The following GAREM1 variants were observed in gnomAD, a reference collection of about 807,000 sequenced individuals.
The protein encoded by GAREM1 is GRB2-associated and regulator of MAPK protein 1.
In GAREM1, 26 loss-of-function variants were observed where a neutral mutation model predicts 71.3. The ratio of observed to expected loss-of-function variants is 0.36; its 90% CI spans 0.27 to 0.51. GAREM1 has a LOEUF of 0.51. Ranked by LOEUF, GAREM1 falls within the 20% of genes least tolerant of loss-of-function variation. The pLI, the probability that GAREM1 is intolerant of heterozygous loss-of-function variation, is 0.95. For synonymous variants in GAREM1, 440 were observed against 433.2 expected (o/e 1.02, Z -0.20); for missense variants, 1,026 against 1,103.1 (o/e 0.93, Z 0.99).
chr18:32,282,308 C>T lies in GAREM1; in HGVS notation c.1566+4723G>A, dbSNP rs963506988. ...AGGCGTGGTGGCGTGAGCCTGTAGT[C>T]CCAGCTCATTGGGAGGCTGAGGCAG... On this transcript the variant is annotated intron_variant, in intron 4 of 5. Transcript: ENST00000269209. Among the ~76,000 whole-genome samples the T allele has an allele frequency of 2.4e-4, 37 of 152,156 alleles. 1 individual carries two copies. Among genetic ancestry groups the T allele is most frequent in the African/African-American group, 8.7e-4 (36 of 41,446 alleles).
At chr18:32,464,645 C>A (rs1240273698) in intron 1 of GAREM1, among the ~76,000 whole-genome samples, 1 of 152,170 alleles carries the variant, frequency 6.6e-6, no homozygotes. Context: ...CTGGAATACT[C>A]AAAACGAAAC....
intron 1 of GAREM1, among the ~76,000 whole-genome samples, chr18:32,438,135 CA>C (rs1041314492): frequency 8.5e-4 from 129 of 152,312 alleles, no homozygotes; most frequent in African/African-American, 3.0e-3. Flanking sequence ...TGGAAAGGAA[CA>C]AACTTCAGCT....
At chr18:32,347,231 C>T (rs750021180) in intron 2 of GAREM1, among the ~76,000 whole-genome samples, 3 of 152,046 alleles carry the variant, frequency 2.0e-5, no homozygotes, top group East Asian at 1.9e-4. Flanking sequence ...CCTGGCATGG[C>T]GCTCATGTCT....
chr18:32,339,263 C>T (rs557360132), intron 2 of GAREM1, among the ~76,000 whole-genome samples: 1 of 152,284 alleles, frequency 6.6e-6, no homozygotes, highest in East Asian at 1.9e-4. Flanking sequence ...TTTGCTTCCA[C>T]TTCCCTTGCT....
At chr18:32,270,789 AG>A (rs1029072906) in intron 4 of GAREM1, among the ~76,000 whole-genome samples, 98 of 151,210 alleles carry the variant, frequency 6.5e-4, no homozygotes, top group African/African-American at 2.3e-3. Context: ...CTCTTCTATT[AG>A]GTTGTGTTTT....
In GAREM1 at chr18:32,268,618, G is replaced by C; in HGVS notation, c.1884C>G (p.Asn628Lys). 6.2e-7 allele frequency: 1 copy of C among 1,614,148 alleles called. No homozygotes were observed. Among genetic ancestry groups the C allele is most frequent in the Non-Finnish European group, 8.5e-7 (1 of 1,180,012 alleles). The change falls in exon 6 of 6, where the codon AAC (asparagine) becomes AAG (lysine). Residue 628 changes from asparagine to lysine, a missense_variant. Around this residue, in one of 3 missense-constraint regions of GAREM1, gnomAD observed 636 missense variants for 631.2 expected, o/e 1.01. Coordinates refer to ENST00000269209, the MANE Select transcript of GAREM1 (RefSeq NM_001242409.2). ...GGCTTTCTGATGCTCCTGAATAATG[G>C]TTAGGCCATGAGAGCCGAGAGGACA... ...EAVSSRLSWP[N>K]HYSGASESQT...
intron 3 of GAREM1, among the ~76,000 whole-genome samples, chr18:32,293,187 G>GT (rs913009985): frequency 2.0e-5 from 3 of 151,832 alleles, no homozygotes; most frequent in African/African-American, 7.3e-5. Context: ...GTATATCTTA[G>GT]TTTTTTTCCT....
At chr18:32,286,651 C>A (rs2047020606) in intron 4 of GAREM1, among the ~76,000 whole-genome samples, 1 of 152,160 alleles carries the variant, frequency 6.6e-6, no homozygotes, top group Non-Finnish European at 1.5e-5. Context: ...TCTGAAGCAG[C>A]CGTCTCTCTC....
intron 1 of GAREM1, among the ~76,000 whole-genome samples, chr18:32,410,579 G>A: frequency 6.6e-6 from 1 of 151,968 alleles, no homozygotes. Context: ...TAAACTCCTG[G>A]TCTCAAGAGA....
At chr18:32,455,213 T>C (rs971032012) in intron 1 of GAREM1, among the ~76,000 whole-genome samples, 2 of 152,182 alleles carry the variant, frequency 1.3e-5, no homozygotes, top group Non-Finnish European at 2.9e-5. Context: ...TTGTTTTTTT[T>C]CTAAAATGTA....
chr18:32,287,643 C>T lies in GAREM1; in HGVS notation c.954G>A (p.Trp318Ter). ...LPEHLVKGESWPETLVHHWLG... is the reference protein window; with the variant it reads ...LPEHLVKGES ...GCCAGTGATGGACCAGGGTTTCGGG[C>T]CAGCTCTCTCCCTTCACCAGGTGTT... The change falls in exon 4 of 6, where the codon TGG (tryptophan) becomes TGA (stop). Residue 318 changes from tryptophan to a stop codon, truncating the protein, a stop_gained. Coordinates refer to ENST00000269209, the MANE Select transcript of GAREM1 (RefSeq NM_001242409.2). LOFTEE classifies it high-confidence loss of function. The surrounding 1 kb of genome is among the most constrained non-coding windows in gnomAD (Gnocchi z 5.9). The T allele has an allele frequency of 6.2e-7, 1 of 1,614,168 alleles. No homozygotes were observed. Among genetic ancestry groups the T allele is most frequent in the African/African-American group, 1.3e-5 (1 of 75,040 alleles).
Position 32,470,271 on chromosome 18 carries a change from C to G in GAREM1, c.121+37G>C. On this transcript the variant is annotated intron_variant, in intron 1 of 5. Coordinates refer to ENST00000269209, the MANE Select transcript of GAREM1 (RefSeq NM_001242409.2). This position sits in a 1 kb window ranked among gnomAD's most constrained non-coding sequence, Gnocchi z 4.4. ...CGCACACCCGCGTGGAGACGGCTGT[C>G]CTCGCCCGTCTGCCCCGCGCCCCAG... is the stretch of plus-strand genomic sequence containing the variant. 2.0e-6 allele frequency: 3 copies of G among 1,465,910 alleles called. No individual in the cohort carries two copies. In the South Asian group the frequency reaches 3.9e-5, roughly 19 times the overall value. The allele number at this position is 1,465,910 out of a possible 1,614,324, so 90.8% of individuals were successfully genotyped here.
Position 32,287,002 on chromosome 18 carries a change from C to A in GAREM1, c.1566+29G>T. 6.8e-7 allele frequency: 1 copy of A among 1,473,752 alleles called. No individual in the cohort carries two copies. The allele number at this position is 1,473,752 out of a possible 1,614,324, so 91.3% of individuals were successfully genotyped here. A position where few individuals can be genotyped will look rare whatever the true frequency, so the allele number is the denominator to read the frequency against. Reference sequence around the variant, plus strand: ...CTGAGCAGAGAGACAGAAAGACTGGCACCGCATTCAAAAACAGAAATGACT... The same window carrying A: ...CTGAGCAGAGAGACAGAAAGACTGGAACCGCATTCAAAAACAGAAATGACT... On this transcript the variant is annotated intron_variant, in intron 4 of 5. Transcript: ENST00000269209. The surrounding 1 kb of genome is among the most constrained non-coding windows in gnomAD (Gnocchi z 5.9).
chr18:32,346,830 C>T (rs558608666), intron 2 of GAREM1, among the ~76,000 whole-genome samples: 2 of 152,170 alleles, frequency 1.3e-5, no homozygotes, highest in Admixed American at 6.5e-5. Flanking sequence ...TAGAGTTGAA[C>T]TGCAGGGGAG....
intron 2 of GAREM1, among the ~76,000 whole-genome samples, chr18:32,328,813 T>C (rs1435211444): frequency 3.9e-5 from 6 of 152,124 alleles, no homozygotes; most frequent in Admixed American, 3.3e-4. Flanking sequence ...TTGATTACTT[T>C]AAGATTAAGG....
intron 2 of GAREM1, among the ~76,000 whole-genome samples, chr18:32,311,346 C>G (rs1304504011): frequency 6.6e-6 from 1 of 152,150 alleles, no homozygotes; most frequent in Admixed American, 6.5e-5. Flanking sequence ...CATTCATATT[C>G]TCAACACAAT....
rs890870949 is a variant in GAREM1, at chr18:32,439,965, G to C, written c.121+30343C>G. 1.8e-4 allele frequency among the ~76,000 whole-genome samples: 28 copies of C among 152,158 alleles called. 1 individual carries two copies. Among genetic ancestry groups the C allele is most frequent in the Non-Finnish European group, 1.5e-4 (10 of 68,040 alleles). The stretch of plus-strand genomic sequence containing the variant: ...GTCCCAAGAGTTAGCTCTAGAAATT[G>C]CATCTTGGCCTAGTCCCTTAGGACC... On this transcript the variant is annotated intron_variant, in intron 1 of 5. Transcript: ENST00000269209.
chr18:32,412,380 T>C, intron 1 of GAREM1: 8 of 1,589,326 alleles, frequency 5.0e-6, no homozygotes, highest in Non-Finnish European at 6.8e-6. Flanking sequence ...CTGATTGTTG[T>C]AATTGCCAAA....
At chr18:32,381,504 A>C (rs976436086) in intron 2 of GAREM1, among the ~76,000 whole-genome samples, 1 of 152,170 alleles carries the variant, frequency 6.6e-6, no homozygotes, top group African/African-American at 2.4e-5. Context: ...CCTTTTCCTC[A>C]TTCCTCTTAC....
Sources: gnomAD v4.1 joint callset for allele counts (sites outside exome capture counted in the v4.1 genomes callset) on GRCh38, gnomAD v4.1.1 for gene constraint, gnomAD v4.1.1 regional missense constraint, Gnocchi (gnomAD v3.1) non-coding constraint, MANE v1.5 for transcripts, NCBI Gene and HGNC (gene_info 2026-07-23, HGNC 2026-07-21) for gene names.